The following CELSR1 variants were observed in gnomAD, a reference collection of about 807,000 sequenced individuals.
CELSR1 encodes cadherin EGF LAG seven-pass G-type receptor 1, also known as adhesion G protein-coupled receptor C1.
A neutral mutation model predicts 249.1 loss-of-function variants in CELSR1; 110 were observed. The ratio of observed to expected loss-of-function variants is 0.44; its 90% CI spans 0.38 to 0.52. CELSR1 has a LOEUF of 0.52. Among genes scored for constraint, CELSR1 ranks in the 20% least tolerant of loss-of-function variants. The pLI is 0.00. For missense variants in CELSR1, 4,109 were observed against 4,296.4 expected (o/e 0.96, Z 1.22); for synonymous variants, 2,113 against 1,900.0 (o/e 1.11, Z -2.92).
intron 1 of CELSR1, among the ~76,000 whole-genome samples, chr22:46,487,349 C>T (rs956642909): frequency 6.6e-6 from 1 of 150,738 alleles, no homozygotes; most frequent in Non-Finnish European, 1.5e-5. Context: ...AATCTGCAAC[C>T]TAAACGCAAA....
rs945984783 is a variant in CELSR1 at position 46,433,165 on chromosome 22, T to C, written c.4611+228A>G. Among the ~76,000 whole-genome samples the C allele has an allele frequency of 6.6e-6, 1 of 152,138 alleles. No homozygotes were observed. Among genetic ancestry groups the C allele is most frequent in the African/African-American group, 2.4e-5 (1 of 41,430 alleles). On this transcript the variant is annotated intron_variant, in intron 5 of 34. Coordinates refer to ENST00000674500, the MANE Select transcript of CELSR1 (RefSeq NM_001378328.1). The surrounding 1 kb of genome is among the most constrained non-coding windows in gnomAD (Gnocchi z 5.7). The stretch of plus-strand genomic sequence containing the variant: ...CCTCAGCCTCCTGAGTAGCTGGGAT[T>C]ACAGGCACCCGCCACCACGCCCGGC...
rs759648050 is a variant in CELSR1 at position 46,396,699 on chromosome 22, C to T, written c.5749G>A (p.Glu1917Lys). 3.1e-6 allele frequency: 5 copies of T among 1,612,732 alleles called. No homozygotes were observed. Among genetic ancestry groups the T allele is most frequent in the Admixed American group, 1.7e-5 (1 of 59,878 alleles). The change falls in exon 13 of 35, where the codon GAG becomes AAG. Residue 1917 changes from glutamate (E) to lysine (K), a missense_variant. This residue lies in a region of CELSR1 where 1,805 missense variants were observed against 1,831.6 expected (regional missense o/e 0.99). Transcript: ENST00000674500. The surrounding 1 kb of genome is among the most constrained non-coding windows in gnomAD (Gnocchi z 6.4). ...CVDACHLNPCENMGACVRSPG... is the reference protein window; with the variant it reads ...CVDACHLNPCKNMGACVRSPG... ...GAGCGCACGCAGGCCCCCATGTTCT[C>T]GCAGGGGTTCAGGTGACAGGCATCC...
chr22:46,364,811 G>C, intron 32 of CELSR1, 75 bp from the exon 33 acceptor site: 1 of 1,410,612 alleles, frequency 7.1e-7, no homozygotes, highest in Non-Finnish European at 9.6e-7. Context: ...CATGGGTCTG[G>C]TGGCTCTGAC....
At chr22:46,461,687 G>A (rs577327608) in intron 2 of CELSR1, among the ~76,000 whole-genome samples, 36 of 152,362 alleles carry the variant, frequency 2.4e-4, no homozygotes, top group African/African-American at 7.7e-4. Context: ...GGCTGTGTGC[G>A]CTGGCCTGGT....
intron 1 of CELSR1, among the ~76,000 whole-genome samples, chr22:46,502,080 T>A (rs892437164): frequency 6.6e-6 from 1 of 151,748 alleles, no homozygotes; most frequent in Admixed American, 6.6e-5. Flanking sequence ...GTCCAGGCAA[T>A]GTAGCAAGGC....
rs368367024 is a variant in CELSR1, at chr22:46,464,059, C to A, written c.3831G>T (p.Ser1277=). Residue 1277 remains serine (S), a synonymous_variant, in exon 2 of 35, where the codon TCG becomes TCT. Coordinates refer to ENST00000674500, the MANE Select transcript of CELSR1 (RefSeq NM_001378328.1). This position sits in a 1 kb window ranked among gnomAD's most constrained non-coding sequence, Gnocchi z 8.5. Reference sequence around the variant, plus strand: ...GGTAGATCTGCTCCTGCAGGTCCTCCGACGGGAAGAACTGGCCGCGGACGC... The same window carrying A: ...GGTAGATCTGCTCCTGCAGGTCCTCAGACGGGAAGAACTGGCCGCGGACGC... ...PGGVRGQFFP[S]EDLQEQIYLN... 1.9e-6 allele frequency: 3 copies of A among 1,613,772 alleles called. No individual in the cohort carries two copies. The highest frequency in any genetic ancestry group is 3.3e-5 in the Admixed American group (2 of 60,028).
Position 46,410,351 on chromosome 22 carries a change from G to GT in CELSR1, c.4933+46_4933+47insA. 6.3e-7 allele frequency: 1 copy of GT among 1,595,702 alleles called. No individual in the cohort carries two copies. The highest frequency in any genetic ancestry group is 8.6e-7 in the Non-Finnish European group (1 of 1,165,676). ...ACCTCTGTGTGGCTGCCGACGTCCAGCCAGATGCCACTGCGGCAGCTCCGA... is the reference window on the plus strand; with the variant it reads ...ACCTCTGTGTGGCTGCCGACGTCCAGTCCAGATGCCACTGCGGCAGCTCCGA... On this transcript the variant is annotated intron_variant, in intron 7 of 34. Transcript: ENST00000674500. The surrounding 1 kb of genome is among the most constrained non-coding windows in gnomAD (Gnocchi z 6.8).
At chr22:46,378,520 G>A (rs1378020723) in intron 23 of CELSR1, 71 bp downstream of exon 23, 11 of 1,500,964 alleles carry the variant, frequency 7.3e-6, no homozygotes, top group Middle Eastern at 1.8e-4. Context: ...GCGGGGAGGT[G>A]CAGGTTTGGG....
chr22:46,414,282 C>A (rs907158151), intron 5 of CELSR1, among the ~76,000 whole-genome samples: 5 of 152,174 alleles, frequency 3.3e-5, no homozygotes, highest in African/African-American at 1.2e-4. Context: ...CCACCGGCGG[C>A]CACTGGGTCA....
rs9615982 is a variant in CELSR1 at position 46,395,555 on chromosome 22, C to T, written c.5843+1050G>A. ...CGCGGCGCTCTCCCTGGCATCACAT[C>T]TTGCTGATATCCAAGAATGATGTGG... On this transcript the variant is annotated intron_variant, in intron 13 of 34. Coordinates refer to ENST00000674500, the MANE Select transcript of CELSR1 (RefSeq NM_001378328.1). This position sits in a 1 kb window ranked among gnomAD's most constrained non-coding sequence, Gnocchi z 5.5. Among the ~76,000 whole-genome samples, 29,302 of 152,150 alleles carry T rather than the reference C, an allele frequency of 0.19. 3,484 individuals carry two copies. The highest frequency in any genetic ancestry group is 0.34 in the African/African-American group (14,176 of 41,458).
At chr22:46,419,762 G>T (rs1404621435) in intron 5 of CELSR1, among the ~76,000 whole-genome samples, 2 of 142,908 alleles carry the variant, frequency 1.4e-5, no homozygotes, top group African/African-American at 5.2e-5. Flanking sequence ...AAACCCACAC[G>T]TGCACACTCA....
chr22:46,366,128 GTTGC>G (rs1191370600), intron 30 of CELSR1, among the ~76,000 whole-genome samples: 1 of 20,818 alleles, frequency 4.8e-5, no homozygotes, highest in Non-Finnish European at 8.6e-5. Flanking sequence ...GGGGGGGAAG[GTTGC>G]ACGGGAAAAG....
At chr22:46,494,582 CACTGAA>C (rs1400940155) in intron 1 of CELSR1, among the ~76,000 whole-genome samples, 1 of 152,132 alleles carries the variant, frequency 6.6e-6, no homozygotes, top group Admixed American at 6.5e-5. Flanking sequence ...GATCTAGGCT[CACTGAA>C]ACCTCTGCCT....
At position 46,437,828 on chromosome 22, in the gene CELSR1, GACAAAC is replaced by G. The variant is rs1242088381; in HGVS notation, c.4406+1355_4406+1360del. 6.6e-6 allele frequency among the ~76,000 whole-genome samples: 1 copy of G among 151,904 alleles called. No individual in the cohort carries two copies. The highest frequency in any genetic ancestry group is 1.5e-5 in the Non-Finnish European group (1 of 68,020). ...CTTTAGAATGCAAGCAAGAAATGAC[GACAAAC>G]ACAAAGAAGAATACCCACACAGCAC... On this transcript the variant is annotated intron_variant, in intron 3 of 34. Transcript: ENST00000674500. The surrounding 1 kb of genome is among the most constrained non-coding windows in gnomAD (Gnocchi z 4.9).
At chr22:46,476,595 CAAAA>C (rs35183117) in intron 1 of CELSR1, among the ~76,000 whole-genome samples, 6 of 107,844 alleles carry the variant, frequency 5.6e-5, no homozygotes, top group Non-Finnish European at 5.7e-5. Flanking sequence ...GACTCCGTCT[CAAAA>C]AAAAAAAAAA....
chr22:46,392,359 GCAGGCTGTGAC>G (rs1440820190), intron 14 of CELSR1, among the ~76,000 whole-genome samples: 3 of 152,166 alleles, frequency 2.0e-5, no homozygotes, highest in African/African-American at 4.8e-5. Context: ...GGAAAACGGG[GCAGGCTGTGAC>G]CAGGCTGTGA....
intron 1 of CELSR1, among the ~76,000 whole-genome samples, chr22:46,499,144 C>T (rs903068154): frequency 6.7e-6 from 1 of 149,088 alleles, no homozygotes; most frequent in East Asian, 2.0e-4. Context: ...CGTGCCACTG[C>T]ACTCCAGCCT....
Position 46,468,512 on chromosome 22 carries a change from G to T in CELSR1, c.3545-4167C>A, listed in dbSNP as rs772887198. ...GACGTGATGCTCACTGCAATAAGCC[G>T]GTCACATGTGAGGCTGCACTTACAG... is the stretch of plus-strand genomic sequence containing the variant. On this transcript the variant is annotated intron_variant, in intron 1 of 34. Transcript: ENST00000674500. The surrounding 1 kb of genome is among the most constrained non-coding windows in gnomAD (Gnocchi z 4.5). Among the ~76,000 whole-genome samples, 3 of 152,136 alleles carry T rather than the reference G, an allele frequency of 2.0e-5. No individual in the cohort carries two copies. Among genetic ancestry groups the T allele is most frequent in the Non-Finnish European group, 2.9e-5 (2 of 68,024 alleles).
chr22:46,439,068 C>G (rs899010440), intron 3 of CELSR1, 121 bp downstream of exon 3: 2 of 991,932 alleles, frequency 2.0e-6, no homozygotes, highest in African/African-American at 1.6e-5. Context: ...TGGAGCTACT[C>G]AACTATCAAA....
Sources: gnomAD v4.1 joint callset for allele counts (sites outside exome capture counted in the v4.1 genomes callset) on GRCh38, gnomAD v4.1.1 for gene constraint, gnomAD v4.1.1 regional missense constraint, Gnocchi (gnomAD v3.1) non-coding constraint, MANE v1.5 for transcripts, NCBI Gene and HGNC (gene_info 2026-07-23, HGNC 2026-07-21) for gene names.